Variants in GPC5 observed in about 807,000 individuals in gnomAD.
GPC5 encodes glypican-5.
A neutral mutation model predicts 53.9 loss-of-function variants in GPC5; 47 were observed. The ratio of observed to expected loss-of-function variants is 0.87; its 90% CI spans 0.69 to 1.11. GPC5 has a LOEUF of 1.11. Ranked by LOEUF, GPC5 falls within the 50% of genes most tolerant of loss-of-function variation. The probability of loss-of-function intolerance (pLI) is 0.00; values close to 1 mark genes in which losing one functional copy is unlikely to be tolerated. For missense variants in GPC5, 748 were observed against 713.1 expected (o/e 1.05, Z -0.56); for synonymous variants, 286 against 263.3 (o/e 1.09, Z -0.84).
intron 6 of GPC5, among the ~76,000 whole-genome samples, chr13:92,133,218 AC>A (rs1457821476): frequency 6.6e-6 from 1 of 152,180 alleles, no homozygotes; most frequent in African/African-American, 2.4e-5. Context: ...ATCTTTGTCT[AC>A]AATTTTGTAG....
intron 7 of GPC5, among the ~76,000 whole-genome samples, chr13:92,298,667 T>C (rs1299319563): frequency 6.6e-6 from 1 of 152,104 alleles, no homozygotes; most frequent in Non-Finnish European, 1.5e-5. Flanking sequence ...GTACTCACAG[T>C]ATTTGGGGTA....
intron 6 of GPC5, among the ~76,000 whole-genome samples, chr13:91,924,025 AC>A (rs1208783129): frequency 6.6e-6 from 1 of 152,150 alleles, no homozygotes; most frequent in Non-Finnish European, 1.5e-5. Flanking sequence ...GAATCACATT[AC>A]CCAAGAAGAG....
intron 6 of GPC5, among the ~76,000 whole-genome samples, chr13:92,087,054 G>C (rs1660012514): frequency 6.6e-6 from 1 of 152,218 alleles, no homozygotes; most frequent in Non-Finnish European, 1.5e-5. Context: ...GAAAAATTAT[G>C]TTTAGATAAA....
chr13:92,379,846 T>G (rs779788126), intron 7 of GPC5, among the ~76,000 whole-genome samples: 4 of 152,204 alleles, frequency 2.6e-5, no homozygotes, highest in Non-Finnish European at 5.9e-5. Context: ...GATATTTTCT[T>G]GTTTTGCCGC....
intron 7 of GPC5, among the ~76,000 whole-genome samples, chr13:92,374,226 G>C (rs958354761): frequency 1.3e-5 from 2 of 152,116 alleles, no homozygotes; most frequent in Admixed American, 6.6e-5. Context: ...TTTCTTTTAT[G>C]AGTTTAGATT....
intron 7 of GPC5, among the ~76,000 whole-genome samples, chr13:92,371,413 C>A (rs2139294592): frequency 6.6e-6 from 1 of 152,158 alleles, no homozygotes; most frequent in African/African-American, 2.4e-5. Context: ...CCAGTGTAAT[C>A]ATATGGGCTT....
intron 6 of GPC5, among the ~76,000 whole-genome samples, chr13:92,017,757 A>C (rs151293799): frequency 1.3e-5 from 2 of 151,906 alleles, no homozygotes; most frequent in East Asian, 3.9e-4. Context: ...ACTTCCACAA[A>C]ATAAACACAC....
intron 6 of GPC5, among the ~76,000 whole-genome samples, chr13:91,989,065 T>C (rs1372695314): frequency 6.7e-6 from 1 of 149,718 alleles, no homozygotes; most frequent in Non-Finnish European, 1.5e-5. Flanking sequence ...TCAAGTCTCC[T>C]GTTTACTCCT....
At chr13:92,086,199 C>A (rs185930650) in intron 6 of GPC5, among the ~76,000 whole-genome samples, 1 of 152,308 alleles carries the variant, frequency 6.6e-6, no homozygotes, top group Non-Finnish European at 1.5e-5. Flanking sequence ...CCTTCACCAC[C>A]TCCTTGAGAT....
At chr13:91,841,499 G>A (rs1324472313) in intron 5 of GPC5, among the ~76,000 whole-genome samples, 1 of 151,842 alleles carries the variant, frequency 6.6e-6, no homozygotes, top group African/African-American at 2.4e-5. Flanking sequence ...AGTAATATAC[G>A]TGCTAAATGC....
At chr13:91,598,419 C>G (rs2033069832) in intron 2 of GPC5, among the ~76,000 whole-genome samples, 1 of 151,918 alleles carries the variant, frequency 6.6e-6, no homozygotes, top group African/African-American at 2.4e-5. Context: ...AAAACCCATT[C>G]ACAGGGAGTG....
intron 7 of GPC5, among the ~76,000 whole-genome samples, chr13:92,834,486 A>C (rs1425386409): frequency 6.6e-6 from 1 of 152,140 alleles, no homozygotes; most frequent in Non-Finnish European, 1.5e-5. Context: ...TCTAGATAGA[A>C]ATTATAAAGT....
chr13:91,998,497 G>T (rs1028420074), intron 6 of GPC5, among the ~76,000 whole-genome samples: 8 of 152,076 alleles, frequency 5.3e-5, no homozygotes, highest in African/African-American at 1.9e-4. Context: ...CCATAAACAT[G>T]ACCTAATCTC....
Position 92,829,689 on chromosome 13 carries a change from CA to C in GPC5, c.1562-36587del, listed in dbSNP as rs367916533. ...TGCAAATATAAATGGCATTCAAATG[CA>C]AAAAAGTGTATATAAAATATTTTAG... On this transcript the variant is annotated intron_variant, in intron 7 of 7. Transcript: ENST00000377067. Among the ~76,000 whole-genome samples the C allele has an allele frequency of 2.3e-3, 354 of 151,754 alleles. 2 individuals are homozygous for C. Among genetic ancestry groups the C allele is most frequent in the African/African-American group, 7.9e-3 (326 of 41,444 alleles).
At chr13:92,696,369 A>T (rs2139241695) in intron 7 of GPC5, among the ~76,000 whole-genome samples, 1 of 152,224 alleles carries the variant, frequency 6.6e-6, no homozygotes, top group Middle Eastern at 3.4e-3. Flanking sequence ...TTGTTTCCTG[A>T]CTTTTTAATG....
At chr13:91,979,691 G>T (rs1313790153) in intron 6 of GPC5, among the ~76,000 whole-genome samples, 1 of 152,142 alleles carries the variant, frequency 6.6e-6, no homozygotes, top group African/African-American at 2.4e-5. Flanking sequence ...TGGGAGCTGG[G>T]TTAAAACATA....
Position 92,141,645 on chromosome 13 carries a change from T to C in GPC5, c.1402-3185T>C, listed in dbSNP as rs372909250. ...CCTGCATAGCAAATTACTACACATG[T>C]AGCAGCTCAAGACAACATCCATTTA... On this transcript the variant is annotated intron_variant, in intron 6 of 7. Coordinates refer to ENST00000377067, the MANE Select transcript of GPC5 (RefSeq NM_004466.6). Among the ~76,000 whole-genome samples the C allele has an allele frequency of 8.5e-5, 13 of 152,310 alleles. No individual in the cohort carries two copies. The East Asian group carries it at 1.7e-3, about 20-fold the overall frequency.
intron 5 of GPC5, among the ~76,000 whole-genome samples, chr13:91,884,489 T>C (rs1250019500): frequency 6.6e-6 from 1 of 152,162 alleles, no homozygotes; most frequent in African/African-American, 2.4e-5. Flanking sequence ...AGCAAACTAA[T>C]GCAGGAACAG....
chr13:92,443,476 T>C, intron 7 of GPC5, among the ~76,000 whole-genome samples: 1 of 152,340 alleles, frequency 6.6e-6, no homozygotes, highest in East Asian at 1.9e-4. Flanking sequence ...ACTATGTTCC[T>C]GTGAATATTT....
Sources: gnomAD v4.1 joint callset for allele counts (sites outside exome capture counted in the v4.1 genomes callset) on GRCh38, gnomAD v4.1.1 for gene constraint, MANE v1.5 for transcripts, NCBI Gene and HGNC (gene_info 2026-07-23, HGNC 2026-07-21) for gene names.